Variants in TAOK3 observed in about 807,000 individuals in gnomAD.
TAOK3 encodes the protein serine/threonine-protein kinase TAO3.
A neutral mutation model predicts 120.4 loss-of-function variants in TAOK3; 40 were observed. The ratio of observed to expected loss-of-function variants is 0.33; its 90% CI spans 0.26 to 0.43. The LOEUF is 0.43. Ranked by LOEUF, TAOK3 falls within the 20% of genes least tolerant of loss-of-function variation. The pLI, the probability that TAOK3 is intolerant of heterozygous loss-of-function variation, is 1.00. For missense variants in TAOK3, 821 were observed against 1,112.1 expected, an observed-to-expected ratio of 0.74 and a Z score of 3.72; for synonymous variants, 355 against 387.5, an observed-to-expected ratio of 0.92 and a Z score of 0.99.
intron 9 of TAOK3, among the ~76,000 whole-genome samples, chr12:118,215,260 CCGAGG>C (rs2038835495): frequency 7.0e-6 from 1 of 142,020 alleles, no homozygotes; most frequent in Non-Finnish European, 1.5e-5. Context: ...CTTTGGGAGG[CCGAGG>C]CGGGTGGATC....
chr12:118,161,013 T>C lies in TAOK3; in HGVS notation c.2140-655A>G, dbSNP rs113085648. 2.6e-5 allele frequency among the ~76,000 whole-genome samples: 4 copies of C among 152,356 alleles called. No individual in the cohort carries two copies. The highest frequency in any genetic ancestry group is 7.2e-5 in the African/African-American group (3 of 41,580). On this transcript the variant is annotated intron_variant, in intron 18 of 20. Coordinates refer to ENST00000392533, the MANE Select transcript of TAOK3 (RefSeq NM_016281.4). This position sits in a 1 kb window ranked among gnomAD's most constrained non-coding sequence, Gnocchi z 4.5. The stretch of plus-strand genomic sequence containing the variant: ...ATTTGGGCAAAGAGAAGGTAGAGTA[T>C]ATTATTTTGAGCCCAGAAGGCATTC...
chr12:118,153,047 A>G (rs1350040605), intron 19 of TAOK3, among the ~76,000 whole-genome samples: 1 of 152,202 alleles, frequency 6.6e-6, no homozygotes, highest in African/African-American at 2.4e-5. Context: ...TCCAAGTAGT[A>G]ATGTTGGCAC....
At chr12:118,210,740 C>CTTTTTTTTTTTTT (rs972130210) in intron 11 of TAOK3, among the ~76,000 whole-genome samples, 1 of 139,086 alleles carries the variant, frequency 7.2e-6, no homozygotes, top group East Asian at 2.1e-4. Context: ...TTTCTTTTTT[C>CTTTTTTTTTTTTT]TTTTTTTTTT....
intron 1 of TAOK3, among the ~76,000 whole-genome samples, chr12:118,308,395 C>T (rs919054739): frequency 6.6e-6 from 1 of 152,086 alleles, no homozygotes; most frequent in African/African-American, 2.4e-5. Flanking sequence ...TCTTAATAAA[C>T]TTGCTTTCAC....
Position 118,221,695 on chromosome 12 carries a change from C to T in TAOK3, c.644-7585G>A, listed in dbSNP as rs1441554646. 2.2e-5 allele frequency among the ~76,000 whole-genome samples: 3 copies of T among 137,128 alleles called. No individual in the cohort carries two copies. In the East Asian group the frequency reaches 6.5e-4, roughly 30 times the overall value. 90.0% of individuals were successfully genotyped at this position (137,128 alleles called of 152,430 possible). ...TGTCATCCAGGCTGGAGTGCAGTGG[C>T]GCGATCTCAGCTCACTGCAAGCTCT... is the stretch of plus-strand genomic sequence containing the variant. On this transcript the variant is annotated intron_variant, in intron 9 of 20. Transcript: ENST00000392533.
intron 17 of TAOK3, among the ~76,000 whole-genome samples, chr12:118,166,556 G>C (rs1190690861): frequency 6.7e-6 from 1 of 149,336 alleles, no homozygotes; most frequent in Non-Finnish European, 1.5e-5. Context: ...AAAAAAAAAA[G>C]TTCTAATAAA....
rs372623354 is a variant in TAOK3, at chr12:118,214,128, C to A, written c.644-18G>T. 3 of 1,593,882 alleles carry A rather than the reference C, an allele frequency of 1.9e-6. No individual in the cohort carries two copies. The highest frequency in any genetic ancestry group is 4.5e-5 in the East Asian group (2 of 44,580). On this transcript the variant is annotated intron_variant, in intron 9 of 20. Coordinates refer to ENST00000392533, the MANE Select transcript of TAOK3 (RefSeq NM_016281.4). The stretch of plus-strand genomic sequence containing the variant: ...CCGTTCCGCTGGAAGAGGAAAGAAA[C>A]ACAATAAAGTAGTTCTTGAAGGAAA...
At chr12:118,194,473 T>A (rs1351868851) in intron 13 of TAOK3, among the ~76,000 whole-genome samples, 1 of 152,116 alleles carries the variant, frequency 6.6e-6, no homozygotes, top group Admixed American at 6.6e-5. Context: ...ATTACCTTCA[T>A]ATGTTAATTT....
chr12:118,154,102 G>T (rs969722208), intron 19 of TAOK3, among the ~76,000 whole-genome samples: 14 of 152,146 alleles, frequency 9.2e-5, no homozygotes, highest in Admixed American at 7.9e-4. Flanking sequence ...TCCCAATGAG[G>T]GTTGTTACTG....
At chr12:118,162,703 C>T (rs1279837243) in intron 17 of TAOK3, among the ~76,000 whole-genome samples, 1 of 151,990 alleles carries the variant, frequency 6.6e-6, no homozygotes, top group East Asian at 1.9e-4. Flanking sequence ...CTTTCATCTT[C>T]TGCATTACAG....
chr12:118,214,284 A>G, intron 9 of TAOK3, 174 bp from the exon 10 acceptor site: 1 of 535,576 alleles, frequency 1.9e-6, no homozygotes, highest in Non-Finnish European at 3.2e-6. Context: ...CATTCAGAAG[A>G]AGCTGCCGGA....
At chr12:118,212,490 A>G (rs1328424455) in intron 11 of TAOK3, among the ~76,000 whole-genome samples, 2 of 152,206 alleles carry the variant, frequency 1.3e-5, no homozygotes, top group Non-Finnish European at 2.9e-5. Context: ...GTTATCATAC[A>G]CCTTCACTGC....
intron 1 of TAOK3, among the ~76,000 whole-genome samples, chr12:118,319,081 T>C (rs547120336): frequency 3.9e-5 from 6 of 152,232 alleles, no homozygotes; most frequent in South Asian, 4.2e-4. Flanking sequence ...AGGTGAGGAA[T>C]TGGAGAAATA....
Position 118,161,836 on chromosome 12 carries a change from C to T in TAOK3, c.2091G>A (p.Leu697=). The stretch of plus-strand genomic sequence containing the variant: ...GAAGTTCCATGACATGCTTTCTGTG[C>T]AGTTCTCTTTCTCGCCTCTTATTGT... The part of the protein sequence containing the change: ...LEYNKRRERE[L]HRKHVMELRQ... The change falls in exon 18 of 21, where the codon CTG becomes CTA. Residue 697 remains leucine (L), a synonymous_variant. Transcript: ENST00000392533. This position sits in a 1 kb window ranked among gnomAD's most constrained non-coding sequence, Gnocchi z 4.5. 2 of 1,614,166 alleles carry T rather than the reference C, an allele frequency of 1.2e-6. No individual in the cohort carries two copies. Among genetic ancestry groups the T allele is most frequent in the Non-Finnish European group, 1.7e-6 (2 of 1,180,040 alleles).
chr12:118,218,672 T>C (rs2039064595), intron 9 of TAOK3, among the ~76,000 whole-genome samples: 1 of 151,948 alleles, frequency 6.6e-6, no homozygotes, highest in East Asian at 1.9e-4. Flanking sequence ...TTTTTTTTCC[T>C]GAATATTTCT....
chr12:118,158,456 T>TATCCTTGCAGGC (rs1171152692), intron 19 of TAOK3, among the ~76,000 whole-genome samples: 1 of 152,198 alleles, frequency 6.6e-6, no homozygotes, highest in Non-Finnish European at 1.5e-5. Context: ...CTTAGTCAAT[T>TATCCTTGCAGGC]ATCCTTGCAG....
At chr12:118,193,581 G>T (rs1464295303) in intron 13 of TAOK3, among the ~76,000 whole-genome samples, 1 of 152,006 alleles carries the variant, frequency 6.6e-6, no homozygotes, top group Non-Finnish European at 1.5e-5. Flanking sequence ...AAGGTTCGTG[G>T]TTAGGCACTT....
At chr12:118,346,459 T>C (rs1476128278) in intron 1 of TAOK3, among the ~76,000 whole-genome samples, 1 of 152,250 alleles carries the variant, frequency 6.6e-6, no homozygotes, top group East Asian at 1.9e-4. Flanking sequence ...AATAAATTTC[T>C]ATTCTATAGA....
intron 1 of TAOK3, among the ~76,000 whole-genome samples, chr12:118,363,018 C>CA (rs60475060): frequency 0.06 from 2,757 of 45,910 alleles, 345 homozygotes; most frequent in Middle Eastern, 0.12. Context: ...GACTCCGTAT[C>CA]AAAAAAAAAA....
Sources: allele counts gnomAD v4.1 joint callset (sites outside exome capture counted in the v4.1 genomes callset), GRCh38; gene constraint gnomAD v4.1.1; non-coding constraint Gnocchi (gnomAD v3.1); transcripts MANE v1.5; gene names NCBI Gene and HGNC (gene_info 2026-07-23, HGNC 2026-07-21).